Variants in SMCHD1 observed in about 807,000 individuals in gnomAD.
SMCHD1 encodes structural maintenance of chromosomes flexible hinge domain containing 1.
In SMCHD1, 78 loss-of-function variants were observed where a neutral mutation model predicts 254.7. The ratio of observed to expected loss-of-function variants is 0.31; its 90% CI spans 0.26 to 0.37. SMCHD1 has a LOEUF of 0.37. Ranked by LOEUF, SMCHD1 falls within the 10% of genes least tolerant of loss-of-function variation. The probability of loss-of-function intolerance (pLI) is 1.00; values close to 1 mark genes in which losing one functional copy is unlikely to be tolerated. For missense variants in SMCHD1, 1,840 were observed against 2,408.1 expected (o/e 0.76, Z 4.94); for synonymous variants, 766 against 794.9 (o/e 0.96, Z 0.61).
intron 37 of SMCHD1, among the ~76,000 whole-genome samples, chr18:2,768,677 A>G (rs1298171717): frequency 6.6e-6 from 1 of 150,812 alleles, no homozygotes; most frequent in African/African-American, 2.4e-5. Flanking sequence ...AGTGTACTAT[A>G]TACTATACTA....
intron 33 of SMCHD1, among the ~76,000 whole-genome samples, chr18:2,752,273 C>G (rs941659746): frequency 9.2e-5 from 14 of 152,116 alleles, no homozygotes; most frequent in African/African-American, 2.7e-4. Context: ...TACTGTGTGT[C>G]TTTTAATAAT....
rs2076400330 is a variant in SMCHD1, at chr18:2,803,523, G to A, written c.*971G>A. ...TTTTGTAAGGACATACATTTGGTAAGTAAGTTTGTGTCCCAGGAAATGTAT... is the reference window on the plus strand; with the variant it reads ...TTTTGTAAGGACATACATTTGGTAAATAAGTTTGTGTCCCAGGAAATGTAT... On this transcript the variant is annotated 3_prime_UTR_variant, in exon 48 of 48. Coordinates refer to ENST00000320876, the MANE Select transcript of SMCHD1 (RefSeq NM_015295.3). 1 of 152,060 alleles carries A rather than the reference G, an allele frequency of 6.6e-6. No homozygotes were observed. Among genetic ancestry groups the A allele is most frequent in the South Asian group, 2.1e-4 (1 of 4,836 alleles). 9.4% of individuals were successfully genotyped at this position (152,060 alleles called of 1,614,324 possible). A position where few individuals can be genotyped will look rare whatever the true frequency, so the allele number is the denominator to read the frequency against.
Position 2,688,732 on chromosome 18 carries a change from T to C in SMCHD1, c.858T>C (p.Tyr286=). The C allele has an allele frequency of 7.2e-7, 1 of 1,386,778 alleles. No individual in the cohort carries two copies. The highest frequency in any genetic ancestry group is 9.9e-7 in the Non-Finnish European group (1 of 1,007,374). The allele number at this position is 1,386,778 out of a possible 1,614,324, so 85.9% of individuals were successfully genotyped here. ...ATAAAGAGGCAATATATAGTGGATATATTAGAAACAGAAAGGTACAATACA... is the reference window on the plus strand; with the variant it reads ...ATAAAGAGGCAATATATAGTGGATACATTAGAAACAGAAAGGTACAATACA... ...EKNKEAIYSG[Y]IRNRKPSDSV... The change falls in exon 7 of 48, where the codon TAT becomes TAC. Residue 286 remains tyrosine (Y), a synonymous_variant. Coordinates refer to ENST00000320876, the MANE Select transcript of SMCHD1 (RefSeq NM_015295.3).
chr18:2,704,369 G>A (rs562263558), intron 13 of SMCHD1, among the ~76,000 whole-genome samples: 25 of 152,230 alleles, frequency 1.6e-4, no homozygotes, highest in African/African-American at 5.8e-4. Flanking sequence ...AATGCGTTAA[G>A]TAATGATTTT....
chr18:2,698,095 TG>T, intron 10 of SMCHD1, 54 bp downstream of exon 10: 1 of 1,385,352 alleles, frequency 7.2e-7, no homozygotes. Flanking sequence ...TTTAGGACAG[TG>T]ATTTGTTTTT....
chr18:2,749,669 G>A (rs1379060795), intron 30 of SMCHD1, among the ~76,000 whole-genome samples: 2 of 152,182 alleles, frequency 1.3e-5, no homozygotes, highest in Non-Finnish European at 2.9e-5. Context: ...TGTGTGTACA[G>A]TATATATTTC....
In SMCHD1 at chr18:2,736,883, T is replaced by C. The variant is rs527372448; in HGVS notation, c.3277-1514T>C. The stretch of plus-strand genomic sequence containing the variant: ...ATAGAACTATCGTTTGAACCAGCAA[T>C]ACCATTACTGTATATATACCCAAAG... On this transcript the variant is annotated intron_variant, in intron 25 of 47. Transcript: ENST00000320876. 2.6e-4 allele frequency among the ~76,000 whole-genome samples: 40 copies of C among 152,284 alleles called. No individual in the cohort carries two copies. The Middle Eastern group carries it at 0.014, about 52-fold the overall frequency.
chr18:2,755,293 C>T (rs2143648099), intron 34 of SMCHD1, among the ~76,000 whole-genome samples: 1 of 152,122 alleles, frequency 6.6e-6, no homozygotes, highest in Non-Finnish European at 1.5e-5. Flanking sequence ...GGGCCTTAGC[C>T]TACCAACTAG....
At chr18:2,775,192 C>T (rs2076048268) in intron 41 of SMCHD1, among the ~76,000 whole-genome samples, 1 of 148,938 alleles carries the variant, frequency 6.7e-6, no homozygotes, top group Non-Finnish European at 1.5e-5. Context: ...TATCCTCCTT[C>T]CTCAGCCTCC....
chr18:2,666,060 T>TTA (rs1340013764), intron 1 of SMCHD1, 97 bp from the exon 2 acceptor site: 6 of 607,428 alleles, frequency 9.9e-6, no homozygotes, highest in Non-Finnish European at 1.7e-5. Flanking sequence ...GGTTACAGAA[T>TTA]TATAATGTAC....
chr18:2,690,384 G>A (rs1276308299), intron 7 of SMCHD1, among the ~76,000 whole-genome samples: 1 of 152,176 alleles, frequency 6.6e-6, no homozygotes, highest in Non-Finnish European at 1.5e-5. Flanking sequence ...TAAAGACATT[G>A]CGATGAGTAT....
chr18:2,704,828 GGTGAGT>G (rs1342874182), intron 13 of SMCHD1, among the ~76,000 whole-genome samples: 1 of 152,018 alleles, frequency 6.6e-6, no homozygotes, highest in Non-Finnish European at 1.5e-5. Flanking sequence ...ATCTATACTT[GGTGAGT>G]ATAGCTAAAG....
intron 5 of SMCHD1, among the ~76,000 whole-genome samples, chr18:2,679,036 C>G (rs1468993813): frequency 6.6e-6 from 1 of 150,744 alleles, no homozygotes; most frequent in South Asian, 2.1e-4. Context: ...TTAGTAGAGT[C>G]GAGGTTTCGC....
chr18:2,799,230 G>A (rs747624168), intron 47 of SMCHD1, among the ~76,000 whole-genome samples: 9 of 151,922 alleles, frequency 5.9e-5, no homozygotes, highest in African/African-American at 1.9e-4. Flanking sequence ...TGTAAACAAC[G>A]TTAAAAATGA....
chr18:2,761,677 C>T (rs778181696), intron 35 of SMCHD1, among the ~76,000 whole-genome samples: 1 of 151,910 alleles, frequency 6.6e-6, no homozygotes, highest in Admixed American at 6.6e-5. Flanking sequence ...ATCATCTGGG[C>T]GTGGTGGGCG....
intron 1 of SMCHD1, among the ~76,000 whole-genome samples, chr18:2,664,739 G>T (rs2073389310): frequency 6.6e-6 from 1 of 152,170 alleles, no homozygotes. Context: ...CGTGATTTCA[G>T]CAGGATTCCT....
rs1374033390 is a variant in SMCHD1, at chr18:2,724,928, C to A, written c.2633C>A (p.Thr878Asn). 1.3e-6 allele frequency: 2 copies of A among 1,589,892 alleles called. No individual in the cohort carries two copies. Among genetic ancestry groups the A allele is most frequent in the South Asian group, 2.3e-5 (2 of 87,578 alleles). The change falls in exon 21 of 48, where the codon ACC becomes AAC. Residue 878 changes from threonine (T) to asparagine (N), a missense_variant. Physicochemically the swap from Thr to Asn is moderately conservative, Grantham distance 65. Around this residue, in one of 9 missense-constraint regions of SMCHD1, gnomAD observed 881 missense variants for 1,009.5 expected, o/e 0.87. Transcript: ENST00000320876. ...TTATCTTTACATTATGAAGAAATAACCAAAGGACCAAATTGTGTAATTCGA... is the reference window on the plus strand; with the variant it reads ...TTATCTTTACATTATGAAGAAATAAACAAAGGACCAAATTGTGTAATTCGA... ...SGLSLHYEEI[T>N]KGPNCVIRGV... is the part of the protein sequence containing the mutation.
chr18:2,708,907 T>TATATATATATATATATATAAATAA (rs769432583), intron 17 of SMCHD1, among the ~76,000 whole-genome samples: 2 of 44,700 alleles, frequency 4.5e-5, no homozygotes, highest in African/African-American at 1.7e-4. Context: ...TATATATATA[T>TATATATATATATATATATAAATAA]AACATATTAA....
chr18:2,695,041 A>C (rs111476127), intron 8 of SMCHD1, among the ~76,000 whole-genome samples: 1 of 80,186 alleles, frequency 1.2e-5, no homozygotes, highest in South Asian at 5.6e-4. Flanking sequence ...AATCTTCCAT[A>C]CCATATATAT....
Sources: gnomAD v4.1 joint callset for allele counts (sites outside exome capture counted in the v4.1 genomes callset) on GRCh38, gnomAD v4.1.1 for gene constraint, gnomAD v4.1.1 regional missense constraint, MANE v1.5 for transcripts, NCBI Gene and HGNC (gene_info 2026-07-23, HGNC 2026-07-21) for gene names.